CREB5: variants seen among roughly 807,000 people sequenced by gnomAD.
CREB5 encodes the protein cAMP responsive element binding protein 5, also known as cyclic AMP-responsive element-binding protein 5.
CREB5 carries 19 observed loss-of-function variants against 57.1 expected under a neutral mutation model. The ratio of observed to expected loss-of-function variants is 0.33; its 90% CI spans 0.23 to 0.49. The LOEUF (loss-of-function observed/expected upper bound fraction) is 0.49. Ranked by LOEUF, CREB5 falls within the 20% of genes least tolerant of loss-of-function variation. The pLI is 0.99. For synonymous variants in CREB5, 238 were observed against 238.3 expected, an observed-to-expected ratio of 1.00 and a Z score of 0.01; for missense variants, 579 against 671.6, an observed-to-expected ratio of 0.86 and a Z score of 1.52.
At chr7:28,635,489 C>A (rs1014428927) in intron 5 of CREB5, among the ~76,000 whole-genome samples, 2 of 152,130 alleles carry the variant, frequency 1.3e-5, no homozygotes, top group African/African-American at 2.4e-5. Context: ...AATTAGTAGA[C>A]CAGTCTTAAC....
Position 28,434,566 on chromosome 7 carries a change from T to G in CREB5, c.3+21649T>G, listed in dbSNP as rs531302725. Among the ~76,000 whole-genome samples the G allele has an allele frequency of 1.3e-3, 205 of 152,320 alleles. 2 individuals are homozygous for G. Among genetic ancestry groups the G allele is most frequent in the Admixed American group, 2.5e-3 (38 of 15,292 alleles). The stretch of plus-strand genomic sequence containing the variant: ...GAAAAAAACAAGACAAAATGTTGTA[T>G]CTCCATAGATTATTGTAACTCAATA... On this transcript the variant is annotated intron_variant, in intron 1 of 10. Transcript: ENST00000357727.
chr7:28,407,964 TTTA>T (rs1787621773), upstream of CREB5, among the ~76,000 whole-genome samples: 1 of 152,244 alleles, frequency 6.6e-6, no homozygotes. Flanking sequence ...ATGATTATTG[TTTA>T]TTAACGAGGG....
intron 4 of CREB5, among the ~76,000 whole-genome samples, chr7:28,552,219 G>T (rs143615796): frequency 0.026 from 3,999 of 152,190 alleles, 92 homozygotes; most frequent in South Asian, 0.055. Flanking sequence ...TGTATATTTT[G>T]TAGAGACGGG....
At chr7:28,362,138 C>T (rs1786499400) in intron 1 of CREB5, among the ~76,000 whole-genome samples, 1 of 152,090 alleles carries the variant, frequency 6.6e-6, no homozygotes, top group African/African-American at 2.4e-5. Flanking sequence ...ACATTTGAAG[C>T]TATCTTTTTT....
At chr7:28,496,383 C>CT (rs927915640) in intron 3 of CREB5, among the ~76,000 whole-genome samples, 17 of 152,166 alleles carry the variant, frequency 1.1e-4, no homozygotes, top group African/African-American at 3.9e-4. Context: ...ATTTTAAATT[C>CT]TTTTTTACTA....
At chr7:28,370,803 G>A (rs1171662089) in intron 1 of CREB5, among the ~76,000 whole-genome samples, 4 of 152,144 alleles carry the variant, frequency 2.6e-5, no homozygotes, top group Non-Finnish European at 5.9e-5. Context: ...CCTACATAAG[G>A]CTTTAATTAT....
intron 1 of CREB5, among the ~76,000 whole-genome samples, chr7:28,368,091 A>C (rs553046188): frequency 6.6e-6 from 1 of 152,318 alleles, no homozygotes; most frequent in South Asian, 2.1e-4. Flanking sequence ...TATACAAAAA[A>C]TAATTACAGG....
intron 4 of CREB5, among the ~76,000 whole-genome samples, chr7:28,512,390 G>C (rs973353104): frequency 1.3e-5 from 2 of 152,166 alleles, no homozygotes; most frequent in African/African-American, 4.8e-5. Flanking sequence ...CCCCTCCGTG[G>C]TCAGAGACGA....
Position 28,678,749 on chromosome 7 carries a change from A to G in CREB5, c.465-40004A>G, listed in dbSNP as rs61414198. ...AGGGGCCCAGTTAATAAAAACATAG[A>G]TAATTTCATTTGGAAGACCCAAGAG... On this transcript the variant is annotated intron_variant, in intron 5 of 10. Coordinates refer to ENST00000357727, the MANE Select transcript of CREB5 (RefSeq NM_182898.4). 7.3e-3 allele frequency among the ~76,000 whole-genome samples: 1,107 copies of G among 152,342 alleles called. 12 individuals carry two copies. The highest frequency in any genetic ancestry group is 0.026 in the African/African-American group (1,060 of 41,568).
intron 6 of CREB5, among the ~76,000 whole-genome samples, chr7:28,721,645 T>A (rs193034635): frequency 6.6e-6 from 1 of 152,346 alleles, no homozygotes; most frequent in East Asian, 1.9e-4. Context: ...AACAAAATGA[T>A]GTATTATTTC....
At chr7:28,583,874 C>A (rs1163808091) in intron 5 of CREB5, among the ~76,000 whole-genome samples, 1 of 151,992 alleles carries the variant, frequency 6.6e-6, no homozygotes, top group Admixed American at 6.6e-5. Context: ...GACAGGGTTT[C>A]CCCATGCTGG....
chr7:28,803,076 C>T (rs902310047), intron 7 of CREB5, among the ~76,000 whole-genome samples: 2 of 152,188 alleles, frequency 1.3e-5, no homozygotes, highest in Non-Finnish European at 2.9e-5. Context: ...AGTTTGCTGA[C>T]CCCTCCTTTA....
intron 1 of CREB5, among the ~76,000 whole-genome samples, chr7:28,479,218 A>G (rs1791218454): frequency 6.6e-6 from 1 of 152,190 alleles, no homozygotes; most frequent in African/African-American, 2.4e-5. Context: ...TTCTTGCAGA[A>G]GCCACACTAT....
At chr7:28,560,909 C>CGTGCGTGTGTGT (rs1562797731) in intron 4 of CREB5, among the ~76,000 whole-genome samples, 6 of 32,690 alleles carry the variant, frequency 1.8e-4, no homozygotes, top group African/African-American at 8.2e-4. Flanking sequence ...TGCGCGCGTG[C>CGTGCGTGTGTGT]GTGTGCGTGT....
chr7:28,379,158 G>A (rs909823713), intron 1 of CREB5, among the ~76,000 whole-genome samples: 2 of 152,160 alleles, frequency 1.3e-5, no homozygotes, highest in African/African-American at 4.8e-5. Flanking sequence ...ATTTATATTG[G>A]ATTGAAAATG....
chr7:28,517,184 C>T (rs905022553), intron 4 of CREB5, among the ~76,000 whole-genome samples: 6 of 151,936 alleles, frequency 3.9e-5, no homozygotes, highest in Non-Finnish European at 7.4e-5. Context: ...CTCACAGAGA[C>T]GTGAAAAAAA....
chr7:28,350,519 T>C (rs1019141413), intron 1 of CREB5, among the ~76,000 whole-genome samples: 2 of 151,942 alleles, frequency 1.3e-5, no homozygotes, highest in Admixed American at 6.6e-5. Flanking sequence ...GCTATAGTGA[T>C]TGATTCAGGG....
At chr7:28,507,784 T>G in intron 4 of CREB5, 47 bp downstream of exon 4, 1 of 1,555,628 alleles carries the variant, frequency 6.4e-7, no homozygotes, top group African/African-American at 1.4e-5. Context: ...TGCTAGAAAC[T>G]TCCACGAGGA....
At chr7:28,414,304 G>T (rs567172133) in intron 1 of CREB5, among the ~76,000 whole-genome samples, 7 of 150,172 alleles carry the variant, frequency 4.7e-5, no homozygotes, top group Non-Finnish European at 8.9e-5. Flanking sequence ...TTTTTTAGAG[G>T]CAGCTTTCTT....
Sources: allele counts gnomAD v4.1 joint callset (sites outside exome capture counted in the v4.1 genomes callset), GRCh38; gene constraint gnomAD v4.1.1; transcripts MANE v1.5; gene names NCBI Gene and HGNC (gene_info 2026-07-23, HGNC 2026-07-21).